The following PTPRD variants were observed in gnomAD, a reference collection of about 807,000 sequenced individuals.
PTPRD encodes the protein protein tyrosine phosphatase receptor type D.
A neutral mutation model predicts 214.5 loss-of-function variants in PTPRD; 34 were observed. The observed-to-expected ratio is 0.16, with a 90% CI of 0.12 to 0.21. The LOEUF (loss-of-function observed/expected upper bound fraction) is 0.21, where lower values mean the gene tolerates loss of function less well. Among genes scored for constraint, PTPRD ranks in the 10% least tolerant of loss-of-function variants. The probability of loss-of-function intolerance (pLI) is 1.00; values close to 1 mark genes in which losing one functional copy is unlikely to be tolerated. For missense variants in PTPRD, 2,545 were observed against 2,398.7 expected, an observed-to-expected ratio of 1.06 and a Z score of -1.27; for synonymous variants, 1,128 against 845.7, an observed-to-expected ratio of 1.33 and a Z score of -5.79.
intron 11 of PTPRD, among the ~76,000 whole-genome samples, chr9:8,881,631 G>A (rs1267914726): frequency 6.6e-6 from 1 of 152,204 alleles, no homozygotes; most frequent in Admixed American, 6.5e-5. Flanking sequence ...AAGTGTGGAA[G>A]CATAGTATAG....
At position 8,493,201 on chromosome 9, in the gene PTPRD, AG is replaced by A. The variant is rs1238053932; in HGVS notation, c.2350-223del. On this transcript the variant is annotated intron_variant, in intron 26 of 45. Coordinates refer to ENST00000381196, the MANE Select transcript of PTPRD (RefSeq NM_002839.4). ...CTTGGGAGGTAGATCTTAGGGTATT[AG>A]TCAAAGACATGAAATCTGGAGCCAG... 2.0e-5 allele frequency among the ~76,000 whole-genome samples: 3 copies of A among 152,296 alleles called. No homozygotes were observed. The East Asian group carries it at 5.8e-4, about 29-fold the overall frequency.
chr9:10,308,016 GTC>G (rs1447452441), intron 3 of PTPRD, among the ~76,000 whole-genome samples: 1 of 151,854 alleles, frequency 6.6e-6, no homozygotes, highest in Non-Finnish European at 1.5e-5. Flanking sequence ...TCAACAGGTT[GTC>G]TCTTCACTTT....
chr9:8,692,990 T>A (rs2097840977), intron 12 of PTPRD, among the ~76,000 whole-genome samples: 1 of 152,198 alleles, frequency 6.6e-6, no homozygotes, highest in Non-Finnish European at 1.5e-5. Flanking sequence ...CTCCAAAGAT[T>A]AGCAAAATGT....
At chr9:8,338,847 CAGAGAG>C (rs4008208) in intron 43 of PTPRD, 69 bp downstream of exon 43, 39 of 1,077,448 alleles carry the variant, frequency 3.6e-5, no homozygotes, top group South Asian at 1.5e-4. Context: ...GTGCTTCTCC[CAGAGAG>C]AGAGAGAGAG....
chr9:8,934,669 G>A (rs2098984243), intron 11 of PTPRD, among the ~76,000 whole-genome samples: 1 of 149,500 alleles, frequency 6.7e-6, no homozygotes, highest in South Asian at 2.1e-4. Context: ...ATACCCTAGA[G>A]TATTATTAAC....
intron 9 of PTPRD, among the ~76,000 whole-genome samples, chr9:9,321,321 C>T (rs941049733): frequency 2.0e-5 from 3 of 152,148 alleles, no homozygotes; most frequent in South Asian, 2.1e-4. Flanking sequence ...TTTGGGAGGC[C>T]GAGGCGGGTG....
At chr9:9,354,144 G>C (rs995900347) in intron 9 of PTPRD, among the ~76,000 whole-genome samples, 6 of 151,638 alleles carry the variant, frequency 4.0e-5, no homozygotes, top group African/African-American at 1.5e-4. Flanking sequence ...AAGTGCAAGA[G>C]CTATTTATAG....
intron 4 of PTPRD, among the ~76,000 whole-genome samples, chr9:10,017,261 A>G (rs2096738613): frequency 6.6e-6 from 1 of 152,122 alleles, no homozygotes; most frequent in Non-Finnish European, 1.5e-5. Context: ...TAACTTGTAA[A>G]ATTTGTCCAT....
At chr9:10,183,627 T>C (rs568791810) in intron 3 of PTPRD, among the ~76,000 whole-genome samples, 1 of 152,158 alleles carries the variant, frequency 6.6e-6, no homozygotes, top group South Asian at 2.1e-4. Flanking sequence ...AGGACTTGGA[T>C]CTAGACAGCA....
intron 3 of PTPRD, among the ~76,000 whole-genome samples, chr9:10,203,169 CTTT>C (rs60069193): frequency 2.5e-5 from 3 of 119,912 alleles, no homozygotes; most frequent in Admixed American, 8.5e-5. Flanking sequence ...CCCTCTCTCT[CTTT>C]TTTTTTTTTT....
At chr9:8,506,193 G>A (rs532217715) in intron 22 of PTPRD, among the ~76,000 whole-genome samples, 2 of 152,170 alleles carry the variant, frequency 1.3e-5, no homozygotes, top group East Asian at 3.9e-4. Flanking sequence ...TAGCATGTGA[G>A]TTTTTTAAAA....
chr9:10,595,650 T>C (rs2076458133), intron 2 of PTPRD, among the ~76,000 whole-genome samples: 1 of 151,392 alleles, frequency 6.6e-6, no homozygotes, highest in Non-Finnish European at 1.5e-5. Context: ...TCACAATTAT[T>C]ATTATATATT....
intron 2 of PTPRD, among the ~76,000 whole-genome samples, chr9:10,368,998 G>GTGTT (rs964609524): frequency 5.3e-5 from 8 of 151,946 alleles, no homozygotes; most frequent in Admixed American, 5.3e-4. Flanking sequence ...TGGGGAATAT[G>GTGTT]TGTTTTTTTT....
At chr9:9,005,092 G>A (rs984384570) in intron 11 of PTPRD, among the ~76,000 whole-genome samples, 5 of 152,038 alleles carry the variant, frequency 3.3e-5, no homozygotes, top group African/African-American at 1.2e-4. Context: ...TCAGGGGAAA[G>A]ATCCAAATAG....
intron 20 of PTPRD, among the ~76,000 whole-genome samples, chr9:8,520,637 T>A (rs2097870003): frequency 6.6e-6 from 1 of 152,222 alleles, no homozygotes; most frequent in Admixed American, 6.5e-5. Context: ...TACATGCTTG[T>A]ACTCTTTCTC....
At chr9:9,532,841 A>G (rs1443031160) in intron 8 of PTPRD, among the ~76,000 whole-genome samples, 4 of 152,158 alleles carry the variant, frequency 2.6e-5, no homozygotes, top group Non-Finnish European at 5.9e-5. Flanking sequence ...TATCTTCATA[A>G]TAACATGGCA....
chr9:8,633,545 A>G (rs1241058118), intron 13 of PTPRD, 87 bp from the exon 14 acceptor site: 3 of 1,440,616 alleles, frequency 2.1e-6, no homozygotes, highest in Non-Finnish European at 2.8e-6. Context: ...TGGATCCGCC[A>G]TTAGGCTCAT....
chr9:8,929,443 T>C (rs2098928811), intron 11 of PTPRD, among the ~76,000 whole-genome samples: 1 of 152,048 alleles, frequency 6.6e-6, no homozygotes, highest in Non-Finnish European at 1.5e-5. Context: ...TCTATGGAGA[T>C]AATCATGTGG....
At chr9:9,859,051 A>T (rs1411498776) in intron 5 of PTPRD, among the ~76,000 whole-genome samples, 1 of 152,144 alleles carries the variant, frequency 6.6e-6, no homozygotes, top group Non-Finnish European at 1.5e-5. Flanking sequence ...AGTTTTCCTC[A>T]TGCTGTTCTC....
Sources: gnomAD v4.1 joint callset for allele counts (sites outside exome capture counted in the v4.1 genomes callset) on GRCh38, gnomAD v4.1.1 for gene constraint, MANE v1.5 for transcripts, NCBI Gene and HGNC (gene_info 2026-07-23, HGNC 2026-07-21) for gene names.